CEP85L: variants seen among roughly 807,000 people sequenced by gnomAD.
The protein encoded by CEP85L is centrosomal protein 85L.
In CEP85L, 60 loss-of-function variants were observed where a neutral mutation model predicts 100.3. That is an observed-to-expected ratio of 0.60 (90% CI 0.49 to 0.74). The LOEUF is 0.74. CEP85L is among the 30% of genes least tolerant of loss of function. The probability of loss-of-function intolerance (pLI) is 0.00; values close to 1 mark genes in which losing one functional copy is unlikely to be tolerated. For missense variants in CEP85L, 973 were observed against 936.2 expected (o/e 1.04, Z -0.51); for synonymous variants, 319 against 322.7 (o/e 0.99, Z 0.12).
At chr6:118,569,239 G>A (rs71559835) in intron 2 of CEP85L, among the ~76,000 whole-genome samples, 1 of 150,576 alleles carries the variant, frequency 6.6e-6, no homozygotes, top group African/African-American at 2.4e-5. Context: ...CTACACAAGA[G>A]GCTGTGGCAG....
At chr6:118,651,143 C>G (rs759540688) in intron 1 of CEP85L, 54 bp downstream of exon 1, 247 of 1,457,800 alleles carry the variant, frequency 1.7e-4, no homozygotes, top group Non-Finnish European at 2.0e-4. Flanking sequence ...GGTCCCGAGG[C>G]GCCGCGGTCG....
chr6:118,538,469 G>C (rs1052656381), intron 3 of CEP85L, among the ~76,000 whole-genome samples: 2 of 151,910 alleles, frequency 1.3e-5, no homozygotes, highest in African/African-American at 4.8e-5. Context: ...AAGTATTTCT[G>C]ATTTCCAACA....
intron 2 of CEP85L, among the ~76,000 whole-genome samples, chr6:118,590,312 T>C (rs1250014214): frequency 6.6e-6 from 1 of 152,132 alleles, no homozygotes; most frequent in Non-Finnish European, 1.5e-5. Flanking sequence ...AGAAACTTTA[T>C]TGCCTAGCAG....
At chr6:118,632,687 T>C in intron 1 of CEP85L, 76 bp from the exon 2 acceptor site, 1 of 1,210,546 alleles carries the variant, frequency 8.3e-7, no homozygotes, top group Non-Finnish European at 1.2e-6. Flanking sequence ...TTGTGGAAAA[T>C]ACACATAGGG....
chr6:118,662,345 C>T lies in CEP85L; in HGVS notation c.-27-9537G>A, dbSNP rs994541400. On this transcript the variant is annotated intron_variant, in intron 1 of 13. Coordinates refer to the CEP85L transcript ENST00000368488. ...AGGAGTTCGAGACCAGCCTGGCCAA[C>T]ATGGTGAAACTCCGTCTCTACTGAA... 6.6e-5 allele frequency among the ~76,000 whole-genome samples: 10 copies of T among 152,124 alleles called. 1 individual carries two copies. Among genetic ancestry groups the T allele is most frequent in the Middle Eastern group, 6.8e-3 (2 of 294 alleles).
intron 2 of CEP85L, among the ~76,000 whole-genome samples, chr6:118,571,376 G>A (rs973186432): frequency 6.6e-6 from 1 of 152,196 alleles, no homozygotes; most frequent in African/African-American, 2.4e-5. Flanking sequence ...AGGCATAGAT[G>A]AGCTAATGGT....
intron 3 of CEP85L, among the ~76,000 whole-genome samples, chr6:118,536,772 G>A (rs766037564): frequency 6.6e-5 from 10 of 152,128 alleles, no homozygotes; most frequent in South Asian, 2.1e-4. Context: ...GTTCTTAGGC[G>A]CTGTCAGAAC....
upstream of CEP85L, chr6:118,652,708 T>C (rs1775636078): frequency 1.9e-6 from 3 of 1,540,556 alleles, no homozygotes; most frequent in African/African-American, 1.4e-5. Flanking sequence ...ACCACATCCG[T>C]GTTGTAATTT....
At chr6:118,529,501 G>A (rs752824797) in intron 3 of CEP85L, among the ~76,000 whole-genome samples, 1 of 151,078 alleles carries the variant, frequency 6.6e-6, no homozygotes, top group African/African-American at 2.4e-5. Context: ...CCAGCTACTC[G>A]GGAGGCTAAG....
intron 3 of CEP85L, among the ~76,000 whole-genome samples, chr6:118,550,954 C>T (rs1480519560): frequency 6.6e-6 from 1 of 151,664 alleles, no homozygotes; most frequent in Non-Finnish European, 1.5e-5. Context: ...AGCAATACCT[C>T]CTGGAAGGCA....
intron 5 of CEP85L, among the ~76,000 whole-genome samples, chr6:118,498,853 C>T (rs1775094834): frequency 6.6e-6 from 1 of 152,118 alleles, no homozygotes; most frequent in Admixed American, 6.5e-5. Context: ...CCAAAGCGGA[C>T]AACATTTTGG....
intron 4 of CEP85L, 76 bp from the exon 5 acceptor site, chr6:118,511,491 C>A (rs537623686): frequency 1.2e-6 from 1 of 851,200 alleles, no homozygotes; most frequent in South Asian, 1.6e-5. Context: ...GAGCTTATTC[C>A]TCTTAGATTC....
chr6:118,479,910 GCTGT>G lies in CEP85L; in HGVS notation c.1871_1874del (p.Asp624AlafsTer9), dbSNP rs755513985. The G allele has an allele frequency of 1.8e-5, 27 of 1,486,204 alleles. No individual in the cohort carries two copies. The highest frequency in any genetic ancestry group is 2.9e-5 in the African/African-American group (2 of 69,768). 92.1% of individuals were successfully genotyped at this position (1,486,204 alleles called of 1,614,324 possible). A position where few individuals can be genotyped will look rare whatever the true frequency, so the allele number is the denominator to read the frequency against. ...TCATTCTGTCAATCTCATCTTGTTG[GCTGT>G]CTATTATCTAAAACAAAATAAATAC... On this transcript the variant is annotated frameshift_variant, in exon 10 of 13. Coordinates refer to ENST00000368491, the MANE Select transcript of CEP85L (RefSeq NM_001042475.3). LOFTEE classifies it high-confidence loss of function.
chr6:118,473,663 G>A lies in CEP85L; in HGVS notation c.1915-3019C>T, dbSNP rs2114462418. 1.3e-5 allele frequency among the ~76,000 whole-genome samples: 2 copies of A among 152,280 alleles called. 1 individual carries two copies. The highest frequency in any genetic ancestry group is 4.1e-4 in the South Asian group (2 of 4,830). ...TCACTTAACCTAATGAGAGTATACT[G>A]TGCACAGGCAAGGGTAGAAGCATGA... is the stretch of plus-strand genomic sequence containing the variant. On this transcript the variant is annotated intron_variant, in intron 10 of 12. Coordinates refer to ENST00000368491, the MANE Select transcript of CEP85L (RefSeq NM_001042475.3).
chr6:118,686,695 T>C (rs956030011), intron 1 of CEP85L, among the ~76,000 whole-genome samples: 7 of 152,220 alleles, frequency 4.6e-5, no homozygotes, highest in African/African-American at 1.4e-4. Flanking sequence ...TTGAGGTCTT[T>C]GTGTGGACAC....
At chr6:118,664,826 C>G (rs1365347779) in intron 1 of CEP85L, among the ~76,000 whole-genome samples, 1 of 152,154 alleles carries the variant, frequency 6.6e-6, no homozygotes, top group African/African-American at 2.4e-5. Flanking sequence ...CTCCAGCTAT[C>G]TCGGTAGTCA....
At chr6:118,654,554 C>G (rs1775710350), upstream of CEP85L, among the ~76,000 whole-genome samples, 1 of 152,172 alleles carries the variant, frequency 6.6e-6, no homozygotes, top group South Asian at 2.1e-4. Context: ...CAACCTCTTC[C>G]AGATCACAAA....
At chr6:118,470,714 G>A in intron 10 of CEP85L, 70 bp from the exon 11 acceptor site, 1 of 826,146 alleles carries the variant, frequency 1.2e-6, no homozygotes, top group Non-Finnish European at 1.9e-6. Flanking sequence ...ACAGAAAGAA[G>A]TAGGAATGTT....
chr6:118,548,896 TAC>T (rs1778367903), intron 3 of CEP85L, among the ~76,000 whole-genome samples: 1 of 151,992 alleles, frequency 6.6e-6, no homozygotes, highest in African/African-American at 2.4e-5. Context: ...CATAATTTCA[TAC>T]AGTGAATAAT....
Sources: gnomAD v4.1 joint callset for allele counts (sites outside exome capture counted in the v4.1 genomes callset) on GRCh38, gnomAD v4.1.1 for gene constraint, MANE v1.5 for transcripts, NCBI Gene and HGNC (gene_info 2026-07-23, HGNC 2026-07-21) for gene names.